Variants in VPS13D observed in about 807,000 individuals in gnomAD.
VPS13D encodes the protein vacuolar protein sorting 13 homolog D.
A neutral mutation model predicts 461.9 loss-of-function variants in VPS13D; 187 were observed. That is an observed-to-expected ratio of 0.40 (90% CI 0.36 to 0.46). VPS13D has a LOEUF of 0.46. Among genes scored for constraint, VPS13D ranks in the 20% least tolerant of loss-of-function variants. The probability of loss-of-function intolerance (pLI) is 0.60; values close to 1 mark genes in which losing one functional copy is unlikely to be tolerated. For synonymous variants in VPS13D, 1,951 were observed against 1,986.3 expected (o/e 0.98, Z 0.47); for missense variants, 4,711 against 5,364.9 (o/e 0.88, Z 3.81).
chr1:12,346,515 A>AC, intron 43 of VPS13D, 90 bp from the exon 44 acceptor site: 1 of 1,343,442 alleles, frequency 7.4e-7, no homozygotes, highest in East Asian at 2.3e-5. Flanking sequence ...TACAAACACG[A>AC]CCCTTTGAAG....
rs145456064 is a variant in VPS13D, at chr1:12,276,701, G to A, written c.3113G>A (p.Ser1038Asn). 10 of 1,613,994 alleles carry A rather than the reference G, an allele frequency of 6.2e-6. No individual in the cohort carries two copies. The highest frequency in any genetic ancestry group is 1.3e-5 in the African/African-American group (1 of 74,938). ...ATTCCAACGGGAAGCCTTCGGGATA[G>A]CAGGGCCCAGTCTCCTGTCTCTGGA... ...FDIPTGSLRD[S>N]RAQSPVSGPN... The change falls in exon 19 of 70, where the codon AGC (serine) becomes AAC (asparagine). Residue 1038 changes from serine (S) to asparagine (N), a missense_variant. Around this residue, in one of 3 missense-constraint regions of VPS13D, gnomAD observed 4,411 missense variants for 4,937.8 expected, o/e 0.89. Transcript: ENST00000620676. The surrounding 1 kb of genome is among the most constrained non-coding windows in gnomAD (Gnocchi z 4.5).
chr1:12,468,170 A>G (rs1053025831), intron 67 of VPS13D, among the ~76,000 whole-genome samples: 6 of 152,360 alleles, frequency 3.9e-5, no homozygotes, highest in African/African-American at 1.4e-4. Context: ...TTACATACAT[A>G]AGATAAGACA....
In VPS13D at chr1:12,268,882, CTTTT is replaced by C; in HGVS notation, c.1972+9_1972+12del. The C allele has an allele frequency of 6.2e-7, 1 of 1,600,458 alleles. No homozygotes were observed. Among genetic ancestry groups the C allele is most frequent in the Non-Finnish European group, 8.5e-7 (1 of 1,176,266 alleles). On this transcript the variant is annotated splice_region_variant and intron_variant, in intron 16 of 69. Transcript: ENST00000620676. ...GGGAAAGGTTCATACCTCAGGTTAA[CTTTT>C]TTGTTTGTTTGATCTTATGTTCCTT...
At chr1:12,508,845 G>T in intron 69 of VPS13D, 48 bp from the exon 70 acceptor site, 1 of 1,599,898 alleles carries the variant, frequency 6.3e-7, no homozygotes, top group Non-Finnish European at 8.5e-7. Context: ...CTGATTCCTG[G>T]ATTTCCCCAT....
intron 55 of VPS13D, among the ~76,000 whole-genome samples, chr1:12,376,416 G>C (rs949813082): frequency 1 from 152,380 of 152,388 alleles, 76,186 homozygotes; most frequent in Non-Finnish European, 1. Flanking sequence ...ACATAAAGTG[G>C]TCTGTAAAGA....
intron 5 of VPS13D, 42 bp from the exon 6 acceptor site, chr1:12,249,181 T>C (rs1640652829): frequency 1.4e-6 from 2 of 1,453,908 alleles, no homozygotes; most frequent in African/African-American, 1.4e-5. Flanking sequence ...GGAACACTAT[T>C]CTGCAGGTGC....
intron 27 of VPS13D, among the ~76,000 whole-genome samples, chr1:12,309,775 AAAAG>A (rs1285893561): frequency 7.9e-5 from 12 of 151,590 alleles, no homozygotes; most frequent in South Asian, 2.1e-4. Context: ...AAAAAAAAAA[AAAAG>A]AAAGAAAGAA....
chr1:12,349,626 T>C (rs1643753118), intron 46 of VPS13D, among the ~76,000 whole-genome samples: 1 of 152,112 alleles, frequency 6.6e-6, no homozygotes, highest in South Asian at 2.1e-4. Context: ...AGATTAGAAG[T>C]TTGTGTTGTA....
At chr1:12,237,969 A>G (rs1640210264) in intron 2 of VPS13D, among the ~76,000 whole-genome samples, 1 of 152,148 alleles carries the variant, frequency 6.6e-6, no homozygotes, top group East Asian at 1.9e-4. Context: ...CAGCCTGGGC[A>G]ACATGATGAA....
intron 62 of VPS13D, 40 bp from the exon 63 acceptor site, chr1:12,403,785 G>T (rs1249482480): frequency 6.5e-7 from 1 of 1,538,668 alleles, no homozygotes; most frequent in African/African-American, 1.4e-5. Flanking sequence ...ATGAGACTAA[G>T]AAATTCTTTT....
chr1:12,395,067 C>T (rs568974224), intron 60 of VPS13D, among the ~76,000 whole-genome samples: 7 of 152,100 alleles, frequency 4.6e-5, no homozygotes, highest in South Asian at 2.1e-4. Context: ...AGGGGCCTGC[C>T]GGGACTTTAG....
intron 68 of VPS13D, among the ~76,000 whole-genome samples, chr1:12,501,337 TTTA>T (rs1342195301): frequency 6.6e-6 from 1 of 152,162 alleles, no homozygotes; most frequent in Admixed American, 6.5e-5. Flanking sequence ...TGGAATAGAA[TTTA>T]TTAGCTTCCA....
intron 52 of VPS13D, among the ~76,000 whole-genome samples, chr1:12,364,583 A>G (rs553167350): frequency 2.3e-4 from 35 of 152,258 alleles, no homozygotes; most frequent in African/African-American, 8.4e-4. Flanking sequence ...TCATTGCACC[A>G]TTTTACTTTC....
At chr1:12,464,071 A>G (rs560628168) in intron 67 of VPS13D, among the ~76,000 whole-genome samples, 49 of 152,306 alleles carry the variant, frequency 3.2e-4, no homozygotes, top group African/African-American at 1.1e-3. Flanking sequence ...TTCTGATGAC[A>G]CTGTATCTCT....
At chr1:12,400,049 T>G in intron 60 of VPS13D, 132 bp from the exon 61 acceptor site, 154 of 949,432 alleles carry the variant, frequency 1.6e-4, no homozygotes, top group Non-Finnish European at 2.3e-4. Flanking sequence ...GAACTGCTAT[T>G]GAGATCGAGT....
At chr1:12,466,601 A>T (rs1228441956) in intron 67 of VPS13D, among the ~76,000 whole-genome samples, 1 of 152,206 alleles carries the variant, frequency 6.6e-6, no homozygotes, top group African/African-American at 2.4e-5. Context: ...CCTCATACTT[A>T]TCTAGGAAGT....
At chr1:12,344,574 A>G (rs966231065) in intron 42 of VPS13D, among the ~76,000 whole-genome samples, 8 of 152,212 alleles carry the variant, frequency 5.3e-5, no homozygotes, top group African/African-American at 1.7e-4. Context: ...CTGTCATATC[A>G]GAAAGGGTTT....
At chr1:12,236,960 A>G (rs1181164870) in intron 2 of VPS13D, among the ~76,000 whole-genome samples, 1 of 152,036 alleles carries the variant, frequency 6.6e-6, no homozygotes, top group Non-Finnish European at 1.5e-5. Context: ...TTCTTGGCAT[A>G]TTGTAGGCTC....
In VPS13D at chr1:12,507,170, C is replaced by G; in HGVS notation, c.13035+77C>G. 4 of 1,608,418 alleles carry G rather than the reference C, an allele frequency of 2.5e-6. No homozygotes were observed. The highest frequency in any genetic ancestry group is 3.4e-6 in the Non-Finnish European group (4 of 1,176,950). On this transcript the variant is annotated intron_variant, in intron 69 of 69. Coordinates refer to ENST00000620676, the MANE Select transcript of VPS13D (RefSeq NM_015378.4). The surrounding 1 kb of genome is among the most constrained non-coding windows in gnomAD (Gnocchi z 5.3). ...TGCCTCTGCCCTGCTTCCCCGTCCT[C>G]AGCAGGAGCTCATTTAGGAGGTTGA...
Sources: allele counts gnomAD v4.1 joint callset (sites outside exome capture counted in the v4.1 genomes callset), GRCh38; gene constraint gnomAD v4.1.1; regional missense constraint gnomAD v4.1.1; non-coding constraint Gnocchi (gnomAD v3.1); transcripts MANE v1.5; gene names NCBI Gene and HGNC (gene_info 2026-07-23, HGNC 2026-07-21).